ARHGAP42: variants seen among roughly 807,000 people sequenced by gnomAD.
ARHGAP42 encodes Rho GTPase activating protein 42, also known as rho GTPase-activating protein 42.
A neutral mutation model predicts 125.0 loss-of-function variants in ARHGAP42; 63 were observed. That is an observed-to-expected ratio of 0.50 (90% confidence interval 0.41 to 0.62). The LOEUF (loss-of-function observed/expected upper bound fraction) is 0.62. Ranked by LOEUF, ARHGAP42 falls within the 20% of genes least tolerant of loss-of-function variation. The pLI, the probability that ARHGAP42 is intolerant of heterozygous loss-of-function variation, is 0.00. For synonymous variants in ARHGAP42, 339 were observed against 351.0 expected, an observed-to-expected ratio of 0.97 and a Z score of 0.38; for missense variants, 766 against 1,024.2, an observed-to-expected ratio of 0.75 and a Z score of 3.44.
At chr11:100,739,687 C>T (rs948056083) in intron 1 of ARHGAP42, among the ~76,000 whole-genome samples, 1 of 151,678 alleles carries the variant, frequency 6.6e-6, no homozygotes, top group East Asian at 1.9e-4. Context: ...CTAATAAGCC[C>T]CTCTTTTCTT....
intron 1 of ARHGAP42, among the ~76,000 whole-genome samples, chr11:100,694,844 C>T (rs1861247668): frequency 6.6e-6 from 1 of 152,192 alleles, no homozygotes; most frequent in African/African-American, 2.4e-5. Flanking sequence ...GCCTGGCCAA[C>T]ATGGTGAAAC....
At chr11:100,972,208 A>T (rs1858266796) in intron 17 of ARHGAP42, among the ~76,000 whole-genome samples, 1 of 152,232 alleles carries the variant, frequency 6.6e-6, no homozygotes, top group Non-Finnish European at 1.5e-5. Flanking sequence ...ACGCATGGTC[A>T]GTCCGACATA....
intron 4 of ARHGAP42, among the ~76,000 whole-genome samples, chr11:100,886,560 T>G (rs1243533306): frequency 6.6e-6 from 1 of 152,354 alleles, no homozygotes; most frequent in East Asian, 1.9e-4. Context: ...ACTTCTAATT[T>G]GTATAATCAT....
At chr11:100,825,699 T>C (rs1416221554) in intron 3 of ARHGAP42, among the ~76,000 whole-genome samples, 1 of 152,134 alleles carries the variant, frequency 6.6e-6, no homozygotes, top group Non-Finnish European at 1.5e-5. Flanking sequence ...GCTCCTTAAA[T>C]CTGCTTCAAA....
At chr11:100,737,134 A>T (rs1471746749) in intron 1 of ARHGAP42, among the ~76,000 whole-genome samples, 1 of 152,266 alleles carries the variant, frequency 6.6e-6, no homozygotes, top group African/African-American at 2.4e-5. Context: ...CTTATTTGTG[A>T]ACAAGTGGAA....
At chr11:100,919,691 C>T (rs1867180905) in intron 5 of ARHGAP42, among the ~76,000 whole-genome samples, 1 of 152,104 alleles carries the variant, frequency 6.6e-6, no homozygotes, top group African/African-American at 2.4e-5. Flanking sequence ...TGTGAGCCAC[C>T]ATATCCAGCC....
intron 18 of ARHGAP42, among the ~76,000 whole-genome samples, chr11:100,973,893 A>G (rs1013706140): frequency 2.0e-5 from 3 of 152,182 alleles, no homozygotes; most frequent in African/African-American, 7.2e-5. Flanking sequence ...TTGTGAGAGA[A>G]TGATTAAGGC....
rs114408511 is a variant in ARHGAP42 at position 100,772,392 on chromosome 11, G to C, written c.250+1954G>C. Among the ~76,000 whole-genome samples the C allele has an allele frequency of 2.4e-3, 372 of 152,272 alleles. 1 individual carries two copies. Among genetic ancestry groups the C allele is most frequent in the African/African-American group, 8.6e-3 (358 of 41,560 alleles). On this transcript the variant is annotated intron_variant, in intron 2 of 23. Coordinates refer to ENST00000298815, the MANE Select transcript of ARHGAP42 (RefSeq NM_152432.4). ...ATCATATTCGCAGTCTTTCTGAGCAGATATATGCCAAGTGGTCACTCTCTT... is the reference window on the plus strand; with the variant it reads ...ATCATATTCGCAGTCTTTCTGAGCACATATATGCCAAGTGGTCACTCTCTT...
chr11:100,699,527 T>A (rs1461278468), intron 1 of ARHGAP42, among the ~76,000 whole-genome samples: 1,105 of 99,912 alleles, frequency 0.011, 3 homozygotes, highest in Non-Finnish European at 0.016. Context: ...TTTTTTTTTT[T>A]TTTTTTTTTT....
At chr11:100,765,909 A>G (rs1020806865) in intron 1 of ARHGAP42, among the ~76,000 whole-genome samples, 2 of 152,324 alleles carry the variant, frequency 1.3e-5, no homozygotes, top group East Asian at 1.9e-4. Flanking sequence ...GCCCACTTCC[A>G]TAACTAACAT....
At chr11:100,757,936 C>T (rs1301664791) in intron 1 of ARHGAP42, among the ~76,000 whole-genome samples, 5 of 152,098 alleles carry the variant, frequency 3.3e-5, no homozygotes, top group Admixed American at 6.5e-5. Context: ...TTTCAGTTAC[C>T]ATCCGTTATA....
intron 1 of ARHGAP42, among the ~76,000 whole-genome samples, chr11:100,707,503 A>T (rs544110212): frequency 6.6e-5 from 10 of 152,196 alleles, no homozygotes; most frequent in Non-Finnish European, 8.8e-5. Flanking sequence ...CATTCTATTA[A>T]TTATAGATGG....
chr11:100,838,667 T>TG (rs1362840472), intron 3 of ARHGAP42, among the ~76,000 whole-genome samples: 11 of 151,890 alleles, frequency 7.2e-5, no homozygotes, highest in Admixed American at 5.2e-4. Flanking sequence ...TACTTTGGCC[T>TG]GGGTAACAGA....
At chr11:100,874,007 G>A (rs1259887832) in intron 4 of ARHGAP42, among the ~76,000 whole-genome samples, 1 of 152,208 alleles carries the variant, frequency 6.6e-6, no homozygotes, top group Non-Finnish European at 1.5e-5. Context: ...AATGTTCATA[G>A]TTGTCTTTGT....
chr11:100,804,741 T>C (rs1863950635), intron 3 of ARHGAP42, among the ~76,000 whole-genome samples: 1 of 151,992 alleles, frequency 6.6e-6, no homozygotes, highest in African/African-American at 2.4e-5. Flanking sequence ...CTCAAACTCC[T>C]GACCTCGTGA....
chr11:100,781,236 T>C (rs1186784484), intron 2 of ARHGAP42, among the ~76,000 whole-genome samples: 1 of 152,140 alleles, frequency 6.6e-6, no homozygotes, highest in African/African-American at 2.4e-5. Flanking sequence ...AGGATCTTTC[T>C]CTTACTTTCT....
intron 1 of ARHGAP42, among the ~76,000 whole-genome samples, chr11:100,769,712 CTTTTTTTTTTTTTT>C (rs140626690): frequency 6.4e-5 from 5 of 78,096 alleles, no homozygotes; most frequent in African/African-American, 2.3e-4. Context: ...AGCATTCCTT[CTTTTTTTTTTTTTT>C]TTTTTTTTTT....
At chr11:100,918,885 G>A (rs1317524609) in intron 5 of ARHGAP42, among the ~76,000 whole-genome samples, 1 of 152,162 alleles carries the variant, frequency 6.6e-6, no homozygotes, top group South Asian at 2.1e-4. Flanking sequence ...AGTGGGATGA[G>A]ACTGTGCATG....
chr11:100,708,393 G>A lies in ARHGAP42; in HGVS notation c.154+20561G>A, dbSNP rs566593857. Among the ~76,000 whole-genome samples, 7 of 152,214 alleles carry A rather than the reference G, an allele frequency of 4.6e-5. No individual in the cohort carries two copies. In the East Asian group the frequency reaches 9.7e-4, roughly 21 times the overall value. The stretch of plus-strand genomic sequence containing the variant: ...TTGTGCGTGGTGGCACACGCCTTTA[G>A]TCCCAGCTACTTGGGAGGCTGAAGC... On this transcript the variant is annotated intron_variant, in intron 1 of 23. Transcript: ENST00000298815.
Sources: allele counts gnomAD v4.1 joint callset (sites outside exome capture counted in the v4.1 genomes callset), GRCh38; gene constraint gnomAD v4.1.1; transcripts MANE v1.5; gene names NCBI Gene and HGNC (gene_info 2026-07-23, HGNC 2026-07-21).